Variants in RAD23B observed in about 807,000 individuals in gnomAD.
The protein encoded by RAD23B is lysine-specific demethylase RAD23B.
Under a neutral mutation model 49.1 loss-of-function variants are expected in RAD23B, and 5 were observed. That is an observed-to-expected ratio of 0.10 (90% confidence interval 0.05 to 0.21). The LOEUF is 0.21. Ranked by LOEUF, RAD23B falls within the 10% of genes least tolerant of loss-of-function variation. The pLI is 1.00. For missense variants in RAD23B, 356 were observed against 486.7 expected (o/e 0.73, Z 2.53); for synonymous variants, 184 against 165.4 (o/e 1.11, Z -0.86).
intron 6 of RAD23B, 28 bp from the exon 7 acceptor site, chr9:107,321,955 A>G: frequency 1.3e-6 from 2 of 1,575,412 alleles, no homozygotes; most frequent in Non-Finnish European, 1.7e-6. Context: ...ATGATGGGAT[A>G]TCTTAAAGCT....
Position 107,309,944 on chromosome 9 carries a change from A to C in RAD23B, c.498-1738A>C, listed in dbSNP as rs1020581164. On this transcript the variant is annotated intron_variant, in intron 4 of 9. Transcript: ENST00000358015. ...AGACTCCATCTCAAAAAAAAAAAAA[A>C]AAAAAACCAATGTGTGATAATAGTG... 1.3e-4 allele frequency among the ~76,000 whole-genome samples: 20 copies of C among 151,370 alleles called. No homozygotes were observed. The East Asian group carries it at 3.7e-3, about 28-fold the overall frequency.
At position 107,318,945 on chromosome 9, in the gene RAD23B, T is replaced by A; in HGVS notation, c.681+66T>A. 1 of 1,495,212 alleles carries A rather than the reference T, an allele frequency of 6.7e-7. No homozygotes were observed. The highest frequency in any genetic ancestry group is 2.3e-5 in the East Asian group (1 of 43,274). 92.6% of individuals were successfully genotyped at this position (1,495,212 alleles called of 1,614,324 possible). On this transcript the variant is annotated intron_variant, in intron 6 of 9. Coordinates refer to ENST00000358015, the MANE Select transcript of RAD23B (RefSeq NM_002874.5). The surrounding 1 kb of genome is among the most constrained non-coding windows in gnomAD (Gnocchi z 4.3). ...GATTAAAATCTCAAAGAAACAGATT[T>A]TAAAGGACCAGTTCACTTGTCACTG...
chr9:107,307,390 C>T (rs565344075), intron 4 of RAD23B, among the ~76,000 whole-genome samples: 7 of 152,148 alleles, frequency 4.6e-5, no homozygotes, highest in Non-Finnish European at 8.8e-5. Context: ...GTAAAATGAC[C>T]AAAGCAAATG....
chr9:107,325,173 G>T, intron 9 of RAD23B, 169 bp downstream of exon 9: 1 of 495,192 alleles, frequency 2.0e-6, no homozygotes, highest in Non-Finnish European at 3.5e-6. Context: ...AAATTAGCTG[G>T]CGTGGTGGCA....
chr9:107,290,929 C>G (rs1833371851), intron 1 of RAD23B, among the ~76,000 whole-genome samples: 1 of 152,174 alleles, frequency 6.6e-6, no homozygotes, highest in African/African-American at 2.4e-5. Context: ...CTAAATTTAA[C>G]CCTACTGTGG....
At chr9:107,299,573 C>A (rs1408676463) in intron 1 of RAD23B, among the ~76,000 whole-genome samples, 1 of 152,146 alleles carries the variant, frequency 6.6e-6, no homozygotes, top group Non-Finnish European at 1.5e-5. Context: ...AGGTTTTCAG[C>A]CTGGGCTGAA....
intron 9 of RAD23B, among the ~76,000 whole-genome samples, chr9:107,328,122 T>C (rs1024033119): frequency 2.0e-5 from 3 of 152,250 alleles, no homozygotes; most frequent in African/African-American, 7.2e-5. Context: ...TTGTACCCTT[T>C]ACTTCACCTA....
At chr9:107,300,099 T>C (rs55764362) in intron 1 of RAD23B, 42 bp from the exon 2 acceptor site, 1 of 1,581,608 alleles carries the variant, frequency 6.3e-7, no homozygotes, top group East Asian at 2.3e-5. Flanking sequence ...TGTCATTTTT[T>C]ATTTAGACTT....
chr9:107,314,809 A>G (rs72738212), intron 5 of RAD23B, among the ~76,000 whole-genome samples: 9,192 of 152,140 alleles, frequency 0.06, 391 homozygotes, highest in South Asian at 0.12. Flanking sequence ...TAAGCATTCT[A>G]TTTTCTCCAC....
intron 1 of RAD23B, chr9:107,284,810 TG>T: frequency 8.3e-7 from 1 of 1,209,236 alleles, no homozygotes; most frequent in Non-Finnish European, 1.1e-6. Flanking sequence ...GTTCCATTTG[TG>T]GTTTTGTAAC....
intron 1 of RAD23B, among the ~76,000 whole-genome samples, chr9:107,299,197 A>G (rs1225596476): frequency 6.6e-6 from 1 of 152,224 alleles, no homozygotes; most frequent in African/African-American, 2.4e-5. Context: ...TTTTAATTGT[A>G]CAAAAGAAAC....
At chr9:107,294,754 GGA>G (rs1826464691) in intron 1 of RAD23B, among the ~76,000 whole-genome samples, 1 of 152,160 alleles carries the variant, frequency 6.6e-6, no homozygotes, top group Non-Finnish European at 1.5e-5. Flanking sequence ...TGAAGGTCAG[GGA>G]GAGAGAGCTG....
Position 107,317,509 on chromosome 9 carries a change from G to C in RAD23B, c.554-1243G>C, listed in dbSNP as rs188479793. ...TCAATAGCTATGGCTGTGATGAGAAGACAGCAGATGGTTCCTCAAAGAGGA... is the reference window on the plus strand; with the variant it reads ...TCAATAGCTATGGCTGTGATGAGAACACAGCAGATGGTTCCTCAAAGAGGA... On this transcript the variant is annotated intron_variant, in intron 5 of 9. Coordinates refer to ENST00000358015, the MANE Select transcript of RAD23B (RefSeq NM_002874.5). 7.9e-5 allele frequency among the ~76,000 whole-genome samples: 12 copies of C among 152,180 alleles called. No homozygotes were observed. In the East Asian group the frequency reaches 1.9e-3, roughly 25 times the overall value.
rs113244036 is a variant in RAD23B, at chr9:107,298,812, C to CAT, written c.67-1329_67-1328insAT. ...CACTGAAAAGACTGACACTGTTTTA[C>CAT]TTTTTTTTTTGCAAATCTGATGTTT... On this transcript the variant is annotated intron_variant, in intron 1 of 9. Transcript: ENST00000358015. Among the ~76,000 whole-genome samples, 716 of 147,756 alleles carry CAT rather than the reference C, an allele frequency of 4.8e-3. 8 individuals are homozygous for CAT. Among genetic ancestry groups the CAT allele is most frequent in the African/African-American group, 0.017 (667 of 40,374 alleles).
intron 1 of RAD23B, among the ~76,000 whole-genome samples, chr9:107,288,149 G>A (rs1255597602): frequency 2.0e-5 from 3 of 152,140 alleles, no homozygotes; most frequent in Non-Finnish European, 4.4e-5. Flanking sequence ...TTTTGATGCC[G>A]TGCACACAGT....
At chr9:107,321,173 G>C (rs1034992265) in intron 6 of RAD23B, among the ~76,000 whole-genome samples, 2 of 151,892 alleles carry the variant, frequency 1.3e-5, no homozygotes, top group Non-Finnish European at 2.9e-5. Context: ...AAACTAAATG[G>C]TTTCAATTTC....
intron 9 of RAD23B, among the ~76,000 whole-genome samples, chr9:107,328,483 C>T (rs1351933175): frequency 6.6e-6 from 1 of 152,090 alleles, no homozygotes; most frequent in African/African-American, 2.4e-5. Context: ...GGCTATCATA[C>T]GGAGCACAGA....
rs981889214 is a variant in RAD23B at position 107,331,519 on chromosome 9, G to T, written c.*1863G>T. On this transcript the variant is annotated 3_prime_UTR_variant, in exon 10 of 10. Coordinates refer to ENST00000358015, the MANE Select transcript of RAD23B (RefSeq NM_002874.5). Reference sequence around the variant, plus strand: ...TGTATTACCTGTATGTTTTATAATGGATCATGCATAATTTCTCAGGAGAAT... The same window carrying T: ...TGTATTACCTGTATGTTTTATAATGTATCATGCATAATTTCTCAGGAGAAT... 2 of 600,500 alleles carry T rather than the reference G, an allele frequency of 3.3e-6. No homozygotes were observed. The highest frequency in any genetic ancestry group is 5.9e-6 in the Non-Finnish European group (2 of 337,952). The allele number at this position is 600,500 out of a possible 1,614,324, so 37.2% of individuals were successfully genotyped here. A position where few individuals can be genotyped will look rare whatever the true frequency, so the allele number is the denominator to read the frequency against.
rs1827051260 is a variant in RAD23B at position 107,318,929 on chromosome 9, C to CT, written c.681+51dup. On this transcript the variant is annotated intron_variant, in intron 6 of 9. Coordinates refer to ENST00000358015, the MANE Select transcript of RAD23B (RefSeq NM_002874.5). This position sits in a 1 kb window ranked among gnomAD's most constrained non-coding sequence, Gnocchi z 4.3. The stretch of plus-strand genomic sequence containing the variant: ...CCATTCTGTTGTTTAAGATTAAAAT[C>CT]TCAAAGAAACAGATTTTAAAGGACC... 1 of 1,537,176 alleles carries CT rather than the reference C, an allele frequency of 6.5e-7. No homozygotes were observed. Among genetic ancestry groups the CT allele is most frequent in the African/African-American group, 1.4e-5 (1 of 72,674 alleles).
Sources: gnomAD v4.1 joint callset for allele counts (sites outside exome capture counted in the v4.1 genomes callset) on GRCh38, gnomAD v4.1.1 for gene constraint, Gnocchi (gnomAD v3.1) non-coding constraint, MANE v1.5 for transcripts, NCBI Gene and HGNC (gene_info 2026-07-23, HGNC 2026-07-21) for gene names.